MYH10: variants seen among roughly 807,000 people sequenced by gnomAD.
The protein encoded by MYH10 is myosin-10.
A neutral mutation model predicts 257.8 loss-of-function variants in MYH10; 55 were observed. That is an observed-to-expected ratio of 0.21 (90% CI 0.17 to 0.27). The LOEUF (loss-of-function observed/expected upper bound fraction) is 0.27. Among genes scored for constraint, MYH10 ranks in the 10% least tolerant of loss-of-function variants. MYH10 has a pLI of 1.00. For synonymous variants in MYH10, 854 were observed against 921.7 expected (o/e 0.93, Z 1.33); for missense variants, 1,631 against 2,500.6 (o/e 0.65, Z 7.42).
Position 8,474,694 on chromosome 17 carries a change from T to G in MYH10, c.*1110A>C, listed in dbSNP as rs944338968. On this transcript the variant is annotated 3_prime_UTR_variant, in exon 43 of 43. Transcript: ENST00000360416. Reference sequence around the variant, plus strand: ...TCTAAGGCACTTTCCGTAATGTCAGTTTGCTTAACTACCAACCAAAAACAG... The same window carrying G: ...TCTAAGGCACTTTCCGTAATGTCAGGTTGCTTAACTACCAACCAAAAACAG... The G allele has an allele frequency of 1.3e-5, 2 of 152,660 alleles. No homozygotes were observed. The allele number at this position is 152,660 out of a possible 1,614,324, so 9.5% of individuals were successfully genotyped here.
At chr17:8,563,729 G>T (rs1356432063) in intron 7 of MYH10, among the ~76,000 whole-genome samples, 1 of 152,198 alleles carries the variant, frequency 6.6e-6, no homozygotes, top group African/African-American at 2.4e-5. Flanking sequence ...TTGATAAATA[G>T]ATATGAGGGT....
chr17:8,545,662 G>GT lies in MYH10; in HGVS notation c.1279-63dup. On this transcript the variant is annotated intron_variant, in intron 12 of 42. Transcript: ENST00000360416. The surrounding 1 kb of genome is among the most constrained non-coding windows in gnomAD (Gnocchi z 4.7). ...CAATCTCAACAAAGCATAAATAGCT[G>GT]TTTTACGGAATTTAATGTTATACAG... is the stretch of plus-strand genomic sequence containing the variant. 6.5e-7 allele frequency: 1 copy of GT among 1,546,536 alleles called. No individual in the cohort carries two copies. The highest frequency in any genetic ancestry group is 1.2e-5 in the South Asian group (1 of 84,574).
At chr17:8,575,999 A>T (rs908900347) in intron 6 of MYH10, among the ~76,000 whole-genome samples, 3 of 152,202 alleles carry the variant, frequency 2.0e-5, no homozygotes, top group Non-Finnish European at 2.9e-5. Flanking sequence ...ACTTATTTAT[A>T]GAGATGAGGT....
At chr17:8,616,110 C>T (rs1204599164) in intron 2 of MYH10, among the ~76,000 whole-genome samples, 1 of 152,040 alleles carries the variant, frequency 6.6e-6, no homozygotes, top group Non-Finnish European at 1.5e-5. Context: ...ATGGCGAAAC[C>T]CTGTCTCTAC....
intron 29 of MYH10, 135 bp from the exon 30 acceptor site, chr17:8,499,611 A>G: frequency 1.3e-6 from 1 of 772,762 alleles, no homozygotes; most frequent in Non-Finnish European, 2.1e-6. Context: ...TGAATGAATG[A>G]AAATGTTTGC....
At chr17:8,497,989 T>TTA in intron 30 of MYH10, among the ~76,000 whole-genome samples, 1 of 141,960 alleles carries the variant, frequency 7.0e-6, no homozygotes, top group South Asian at 2.3e-4. Context: ...CCTTTTTTTT[T>TTA]TTTTTTTTTT....
intron 35 of MYH10, among the ~76,000 whole-genome samples, chr17:8,489,746 C>CACACA (rs1451899373): frequency 6.7e-5 from 10 of 149,596 alleles, no homozygotes; most frequent in African/African-American, 1.0e-4. Flanking sequence ...CACACACACA[C>CACACA]CCCAAATCCA....
chr17:8,486,217 CTTTTGGGAGGGACCA>C (rs1914739844), intron 36 of MYH10, among the ~76,000 whole-genome samples: 1 of 152,114 alleles, frequency 6.6e-6, no homozygotes, highest in Non-Finnish European at 1.5e-5. Context: ...GTGGAGGATT[CTTTTGGGAGGGACCA>C]AAATGCCCCA....
chr17:8,493,174 A>T, intron 32 of MYH10, 150 bp from the exon 33 acceptor site: 1 of 827,502 alleles, frequency 1.2e-6, no homozygotes, highest in Admixed American at 2.5e-5. Flanking sequence ...AGCCAGGCCA[A>T]CATAGTGAAA....
At chr17:8,630,320 GC>G (rs2085866184) in intron 1 of MYH10, among the ~76,000 whole-genome samples, 1 of 131,096 alleles carries the variant, frequency 7.6e-6, no homozygotes, top group Non-Finnish European at 1.6e-5. Context: ...CCATCCCCCA[GC>G]CCCCCAGGGG....
intron 2 of MYH10, among the ~76,000 whole-genome samples, chr17:8,620,463 A>G (rs1042383367): frequency 2.3e-5 from 3 of 133,014 alleles, no homozygotes; most frequent in Non-Finnish European, 4.6e-5. Context: ...GATGAAAATT[A>G]ATGACCTGAG....
At chr17:8,554,212 T>G (rs2082720509) in intron 7 of MYH10, 194 bp from the exon 8 acceptor site, 1 of 398,320 alleles carries the variant, frequency 2.5e-6, no homozygotes, top group South Asian at 3.8e-5. Context: ...GAATAGGCTA[T>G]TTTCCTGGAC....
intron 3 of MYH10, among the ~76,000 whole-genome samples, chr17:8,594,552 C>A (rs2084287552): frequency 6.6e-6 from 1 of 152,146 alleles, no homozygotes; most frequent in Non-Finnish European, 1.5e-5. Flanking sequence ...ACACATCTAC[C>A]ATATGACCCA....
Position 8,490,125 on chromosome 17 carries a change from A to G in MYH10, c.4884+215T>C. The G allele has an allele frequency of 2.1e-6, 1 of 485,424 alleles. No homozygotes were observed. Among genetic ancestry groups the G allele is most frequent in the Non-Finnish European group, 3.7e-6 (1 of 269,836 alleles). 30.1% of individuals were successfully genotyped at this position (485,424 alleles called of 1,614,324 possible). Reference sequence around the variant, plus strand: ...TCTGACTGATAAGTGTCTGGCTTGTAGGCAGGAATGATACTGAGAAATAGT... The same window carrying G: ...TCTGACTGATAAGTGTCTGGCTTGTGGGCAGGAATGATACTGAGAAATAGT... On this transcript the variant is annotated intron_variant, in intron 35 of 42. Coordinates refer to ENST00000360416, the MANE Select transcript of MYH10 (RefSeq NM_001256012.3). This position sits in a 1 kb window ranked among gnomAD's most constrained non-coding sequence, Gnocchi z 4.1.
intron 6 of MYH10, among the ~76,000 whole-genome samples, chr17:8,573,249 C>G (rs1054279629): frequency 2.0e-5 from 3 of 152,190 alleles, no homozygotes; most frequent in African/African-American, 7.2e-5. Flanking sequence ...AAGTCCAGTT[C>G]AGCCCGCAAG....
In MYH10 at chr17:8,477,711, G is replaced by A. The variant is rs1348657493; in HGVS notation, c.5706+627C>T. Among the ~76,000 whole-genome samples, 1 of 152,196 alleles carries A rather than the reference G, an allele frequency of 6.6e-6. No individual in the cohort carries two copies. Among genetic ancestry groups the A allele is most frequent in the African/African-American group, 2.4e-5 (1 of 41,430 alleles). The stretch of plus-strand genomic sequence containing the variant: ...AAGTTGGGGAGGGTTCGGGCCAAAG[G>A]CAGTGAAATCCTCAGATCCATCCAC... On this transcript the variant is annotated intron_variant, in intron 41 of 42. Transcript: ENST00000360416. This position sits in a 1 kb window ranked among gnomAD's most constrained non-coding sequence, Gnocchi z 4.2.
chr17:8,622,288 C>T (rs1007174413), intron 2 of MYH10, among the ~76,000 whole-genome samples: 7 of 152,174 alleles, frequency 4.6e-5, no homozygotes, highest in African/African-American at 1.7e-4. Context: ...TCCCTCTCTA[C>T]ATTATCCCTT....
chr17:8,523,643 G>A (rs1017408914), intron 17 of MYH10, among the ~76,000 whole-genome samples: 3 of 152,192 alleles, frequency 2.0e-5, no homozygotes, highest in African/African-American at 7.2e-5. Context: ...GAATGGCCTG[G>A]GGAAGGGGGA....
rs144905748 is a variant in MYH10, at chr17:8,493,014, G to C, written c.4220C>G (p.Thr1407Ser). ...VLALQSQLAD[T>S]KKKVDDDLGT... ...CAGGTCGTCATCTACTTTCTTCTTG[G>C]TATCAGCCAACTAGGTTTTGTGTAC... is the stretch of plus-strand genomic sequence containing the variant. Residue 1407 changes from threonine to serine, a missense_variant, in exon 33 of 43, where the codon ACC becomes AGC. Physicochemically the swap from Thr to Ser is moderately conservative, Grantham distance 58. Around this residue, in one of 11 missense-constraint regions of MYH10, gnomAD observed 463 missense variants for 621.8 expected, o/e 0.74. Coordinates refer to ENST00000360416, the MANE Select transcript of MYH10 (RefSeq NM_001256012.3). 1.9e-6 allele frequency: 3 copies of C among 1,612,962 alleles called. No individual in the cohort carries two copies. Among genetic ancestry groups the C allele is most frequent in the African/African-American group, 1.3e-5 (1 of 74,686 alleles).
Sources: allele counts gnomAD v4.1 joint callset (sites outside exome capture counted in the v4.1 genomes callset), GRCh38; gene constraint gnomAD v4.1.1; regional missense constraint gnomAD v4.1.1; non-coding constraint Gnocchi (gnomAD v3.1); transcripts MANE v1.5; gene names NCBI Gene and HGNC (gene_info 2026-07-23, HGNC 2026-07-21).